The following RYR2 variants were observed in gnomAD, a reference collection of about 807,000 sequenced individuals.
RYR2 encodes the protein cardiac muscle ryanodine receptor-calcium release channel.
RYR2 carries 227 observed loss-of-function variants against 601.1 expected under a neutral mutation model. The observed-to-expected ratio is 0.38, with a 90% CI of 0.34 to 0.42. The LOEUF is 0.42. RYR2 is among the 10% of genes least tolerant of loss of function. The pLI is 1.00. For missense variants in RYR2, 4,646 were observed against 6,156.5 expected (o/e 0.75, Z 8.21); for synonymous variants, 2,223 against 2,175.1 (o/e 1.02, Z -0.61).
intron 14 of RYR2, among the ~76,000 whole-genome samples, chr1:237,449,275 G>T (rs1215595051): frequency 6.6e-6 from 1 of 152,022 alleles, no homozygotes; most frequent in Non-Finnish European, 1.5e-5. Context: ...GTTACTTACG[G>T]ATTAAAGCTG....
chr1:237,296,519 T>TGAGGAAGGCAGAAGTCATA (rs1336599315), intron 2 of RYR2, among the ~76,000 whole-genome samples: 2 of 152,146 alleles, frequency 1.3e-5, no homozygotes, highest in Non-Finnish European at 2.9e-5. Context: ...ATTGTTGAGA[T>TGAGGAAGGCAGAAGTCATA]GAGGAAGGCA....
At chr1:237,490,701 T>C (rs867185527) in intron 17 of RYR2, among the ~76,000 whole-genome samples, 1 of 152,360 alleles carries the variant, frequency 6.6e-6, no homozygotes, top group South Asian at 2.1e-4. Flanking sequence ...TATATATTTG[T>C]GTTTTAACAA....
At chr1:237,515,960 T>C (rs1269297543) in intron 24 of RYR2, among the ~76,000 whole-genome samples, 2 of 145,680 alleles carry the variant, frequency 1.4e-5, no homozygotes, top group South Asian at 2.3e-4. Flanking sequence ...CTCTTCTCCT[T>C]CTCGCTCTTC....
At position 237,404,536 on chromosome 1, in the gene RYR2, A is replaced by G. The variant is rs12408958; in HGVS notation, c.774-12513A>G. On this transcript the variant is annotated intron_variant, in intron 10 of 104. Coordinates refer to ENST00000366574, the MANE Select transcript of RYR2 (RefSeq NM_001035.3). Reference sequence around the variant, plus strand: ...AGAATAAGAAACCTGGAGTAGGACAAATATTAAGAAGACCAAATTCTGATG... The same window carrying G: ...AGAATAAGAAACCTGGAGTAGGACAGATATTAAGAAGACCAAATTCTGATG... Among the ~76,000 whole-genome samples the G allele has an allele frequency of 1.9e-3, 295 of 152,310 alleles. 9 individuals are homozygous for G. Among genetic ancestry groups the G allele is most frequent in the Admixed American group, 0.014 (217 of 15,300 alleles).
At chr1:237,660,725 G>T (rs2148845724) in intron 55 of RYR2, 85 bp from the exon 56 acceptor site, 1 of 1,189,730 alleles carries the variant, frequency 8.4e-7, no homozygotes, top group South Asian at 1.9e-5. Flanking sequence ...AAAAGTGAAG[G>T]CAGTCTATTT....
intron 39 of RYR2, among the ~76,000 whole-genome samples, chr1:237,624,712 T>G (rs1679457056): frequency 6.6e-6 from 1 of 152,150 alleles, no homozygotes; most frequent in Non-Finnish European, 1.5e-5. Flanking sequence ...TCTAAGAACT[T>G]TAAAAATGGA....
At chr1:237,743,852 AGC>A (rs1283780403) in intron 80 of RYR2, among the ~76,000 whole-genome samples, 2 of 152,190 alleles carry the variant, frequency 1.3e-5, no homozygotes, top group African/African-American at 4.8e-5. Context: ...TTTATCCTCC[AGC>A]TAACTTTGAG....
chr1:237,654,179 A>G lies in RYR2; in HGVS notation c.7825-95A>G, dbSNP rs578123770. ...GGGCAATTTCACTTCAGATGACCTT[A>G]TAATGTAGCATTAGAGTGTGATATG... On this transcript the variant is annotated intron_variant, in intron 51 of 104. Coordinates refer to ENST00000366574, the MANE Select transcript of RYR2 (RefSeq NM_001035.3). 5.5e-6 allele frequency: 8 copies of G among 1,458,010 alleles called. No individual in the cohort carries two copies. In the East Asian group the frequency reaches 1.6e-4, roughly 29 times the overall value. The allele number at this position is 1,458,010 out of a possible 1,614,324, so 90.3% of individuals were successfully genotyped here.
At chr1:237,250,460 T>C (rs1687336961) in intron 1 of RYR2, among the ~76,000 whole-genome samples, 1 of 152,212 alleles carries the variant, frequency 6.6e-6, no homozygotes, top group South Asian at 2.1e-4. Context: ...TTTTAGAGCT[T>C]AAAGATAGTC....
chr1:237,455,966 G>T (rs1347154567), intron 15 of RYR2, among the ~76,000 whole-genome samples: 1 of 152,104 alleles, frequency 6.6e-6, no homozygotes, highest in East Asian at 1.9e-4. Flanking sequence ...AGACAATCTG[G>T]ATGGGGACTT....
At chr1:237,310,057 C>G (rs1694375551) in intron 2 of RYR2, among the ~76,000 whole-genome samples, 1 of 152,214 alleles carries the variant, frequency 6.6e-6, no homozygotes, top group Non-Finnish European at 1.5e-5. Context: ...GAGAAGGGCT[C>G]CCACAGTGCA....
intron 1 of RYR2, among the ~76,000 whole-genome samples, chr1:237,093,939 G>C (rs1279032709): frequency 2.0e-5 from 3 of 152,180 alleles, no homozygotes; most frequent in Non-Finnish European, 4.4e-5. Context: ...GAGTCGAGGG[G>C]AAGCAGGAGT....
intron 3 of RYR2, among the ~76,000 whole-genome samples, chr1:237,350,913 T>C (rs1270372829): frequency 2.6e-5 from 4 of 151,962 alleles, no homozygotes; most frequent in African/African-American, 9.7e-5. Flanking sequence ...GTATGATTAA[T>C]TAACATATGT....
At chr1:237,141,894 C>A (rs1422896315) in intron 1 of RYR2, among the ~76,000 whole-genome samples, 1 of 152,118 alleles carries the variant, frequency 6.6e-6, no homozygotes, top group Admixed American at 6.5e-5. Flanking sequence ...GGACATATGC[C>A]CTTAAGTAAC....
intron 1 of RYR2, among the ~76,000 whole-genome samples, chr1:237,142,530 A>G (rs1360489907): frequency 6.6e-6 from 1 of 152,192 alleles, no homozygotes; most frequent in Non-Finnish European, 1.5e-5. Context: ...GGTGTACCAC[A>G]GGGCATGGAG....
At chr1:237,355,874 A>G in intron 3 of RYR2, 91 bp from the exon 4 acceptor site, 3 of 1,188,168 alleles carry the variant, frequency 2.5e-6, no homozygotes, top group Non-Finnish European at 2.4e-6. Context: ...TGCAAGGACC[A>G]AATTGATATC....
chr1:237,775,941 G>C (rs976732401), intron 87 of RYR2, among the ~76,000 whole-genome samples: 3 of 152,078 alleles, frequency 2.0e-5, no homozygotes, highest in Non-Finnish European at 4.4e-5. Context: ...AGAAAAAATG[G>C]GTACTTTGGC....
chr1:237,748,344 ATCTCCTGTCAC>A (rs1447669257), intron 80 of RYR2, among the ~76,000 whole-genome samples: 1 of 152,182 alleles, frequency 6.6e-6, no homozygotes. Context: ...GGTTCCTTAC[ATCTCCTGTCAC>A]TTACTGGTCA....
chr1:237,606,122 C>G (rs201761939), intron 35 of RYR2, among the ~76,000 whole-genome samples: 19 of 151,578 alleles, frequency 1.3e-4, no homozygotes, highest in Non-Finnish European at 2.4e-4. Context: ...CAATCCTAAG[C>G]CAAAAGAACA....
Sources: allele counts gnomAD v4.1 joint callset (sites outside exome capture counted in the v4.1 genomes callset), GRCh38; gene constraint gnomAD v4.1.1; transcripts MANE v1.5; gene names NCBI Gene and HGNC (gene_info 2026-07-23, HGNC 2026-07-21).